HSD17B3: variants seen among roughly 807,000 people sequenced by gnomAD.
The protein encoded by HSD17B3 is hydroxysteroid 17-beta dehydrogenase 3, also known as 17-beta-hydroxysteroid dehydrogenase type 3.
HSD17B3 carries 29 observed loss-of-function variants against 41.1 expected under a neutral mutation model. The observed-to-expected ratio is 0.71, with a 90% CI of 0.53 to 0.96. HSD17B3 has a LOEUF of 0.96. HSD17B3 is among the 40% of genes least tolerant of loss of function. The pLI is 0.00. For synonymous variants in HSD17B3, 126 were observed against 145.6 expected, an observed-to-expected ratio of 0.87 and a Z score of 0.97; for missense variants, 323 against 374.6, an observed-to-expected ratio of 0.86 and a Z score of 1.14.
chr9:96,297,341 C>CTTTTTT, intron 2 of HSD17B3, among the ~76,000 whole-genome samples: 1 of 73,572 alleles, frequency 1.4e-5, no homozygotes, highest in Admixed American at 1.8e-4. Flanking sequence ...TTATTGATTT[C>CTTTTTT]TTTTTTTTTT....
chr9:96,294,659 A>C (rs1360477260), intron 2 of HSD17B3, among the ~76,000 whole-genome samples: 1 of 152,244 alleles, frequency 6.6e-6, no homozygotes, highest in Admixed American at 6.5e-5. Context: ...TTTGGTTGAC[A>C]TATTAGGTCT....
intron 8 of HSD17B3, 106 bp downstream of exon 8, chr9:96,245,239 C>T (rs1177002443): frequency 2.3e-6 from 2 of 883,580 alleles, no homozygotes; most frequent in African/African-American, 3.3e-5. Context: ...AAGAGAGCAT[C>T]TCCAGGTAAA....
At chr9:96,250,571 T>C in intron 5 of HSD17B3, 3 of 700,938 alleles carry the variant, frequency 4.3e-6, no homozygotes, top group Non-Finnish European at 5.4e-6. Flanking sequence ...TAAGAAAGGG[T>C]CAACAAATTG....
chr9:96,272,373 A>ATCTCTCTCTCTCTCTC (rs373017603), intron 2 of HSD17B3, among the ~76,000 whole-genome samples: 92 of 4,400 alleles, frequency 0.021, 24 homozygotes, highest in Non-Finnish European at 0.032. Context: ...GTAAGACTGC[A>ATCTCTCTCTCTCTCTC]TCTCTCTCTC....
At chr9:96,300,536 T>C (rs1231772118) in intron 1 of HSD17B3, among the ~76,000 whole-genome samples, 1 of 126,056 alleles carries the variant, frequency 7.9e-6, no homozygotes, top group Non-Finnish European at 1.7e-5. Flanking sequence ...CCTATAAGCA[T>C]ATTAGAATCT....
At chr9:96,282,248 A>G (rs1826728300) in intron 2 of HSD17B3, among the ~76,000 whole-genome samples, 3 of 152,280 alleles carry the variant, frequency 2.0e-5, no homozygotes, top group Admixed American at 2.0e-4. Flanking sequence ...GTGTATTTAT[A>G]TATGTTGCAT....
intron 2 of HSD17B3, among the ~76,000 whole-genome samples, chr9:96,260,293 C>T (rs570620747): frequency 3.3e-5 from 5 of 152,162 alleles, no homozygotes; most frequent in African/African-American, 4.8e-5. Flanking sequence ...AAAACATGTA[C>T]GGGATCAACT....
intron 2 of HSD17B3, among the ~76,000 whole-genome samples, chr9:96,289,712 C>T (rs79615362): frequency 1.3e-5 from 2 of 152,120 alleles, no homozygotes; most frequent in Non-Finnish European, 2.9e-5. Flanking sequence ...GAGGGGGGCG[C>T]CCGAGAACAC....
chr9:96,281,608 T>A (rs1236851618), intron 2 of HSD17B3, among the ~76,000 whole-genome samples: 1 of 152,188 alleles, frequency 6.6e-6, no homozygotes, highest in Admixed American at 6.5e-5. Flanking sequence ...CTACGGGATG[T>A]TAACTGCTTT....
intron 2 of HSD17B3, among the ~76,000 whole-genome samples, chr9:96,297,181 T>G (rs1296545085): frequency 6.6e-6 from 1 of 152,044 alleles, no homozygotes; most frequent in African/African-American, 2.4e-5. Context: ...AATGTGGTAT[T>G]TTTTTCTCTT....
chr9:96,274,187 C>T (rs925991177), intron 2 of HSD17B3, among the ~76,000 whole-genome samples: 2 of 152,132 alleles, frequency 1.3e-5, no homozygotes, highest in African/African-American at 4.8e-5. Context: ...GCCTGTAATC[C>T]CAGCACTTTG....
intron 2 of HSD17B3, among the ~76,000 whole-genome samples, chr9:96,290,676 A>G (rs1827121075): frequency 6.6e-6 from 1 of 151,824 alleles, no homozygotes; most frequent in Non-Finnish European, 1.5e-5. Flanking sequence ...TCTACTAAAA[A>G]TACAAAAATT....
intron 2 of HSD17B3, 73 bp from the exon 3 acceptor site, chr9:96,255,016 G>T: frequency 7.8e-7 from 1 of 1,285,776 alleles, no homozygotes; most frequent in Non-Finnish European, 1.1e-6. Context: ...AAGGTGACTT[G>T]GTCCTGAGAC....
intron 6 of HSD17B3, among the ~76,000 whole-genome samples, chr9:96,248,241 C>A (rs1254424317): frequency 6.6e-6 from 1 of 152,100 alleles, no homozygotes; most frequent in East Asian, 1.9e-4. Flanking sequence ...TTGCTAAGCA[C>A]AAAAAGATGT....
At chr9:96,242,508 T>C (rs774088471) in intron 9 of HSD17B3, among the ~76,000 whole-genome samples, 3 of 152,228 alleles carry the variant, frequency 2.0e-5, no homozygotes, top group Admixed American at 6.5e-5. Flanking sequence ...AGAGCTGTGA[T>C]GAAATTCAAA....
intron 2 of HSD17B3, among the ~76,000 whole-genome samples, chr9:96,272,405 C>CTCTCTCTCTCTCTCTCTCTATATATA (rs1239816824): frequency 4.6e-5 from 1 of 21,530 alleles, no homozygotes; most frequent in Non-Finnish European, 8.8e-5. Flanking sequence ...CTCTCTCTCT[C>CTCTCTCTCTCTCTCTCTCTATATATA]TATATATATA....
intron 2 of HSD17B3, among the ~76,000 whole-genome samples, chr9:96,274,840 T>C (rs952172661): frequency 1.3e-5 from 2 of 151,992 alleles, no homozygotes; most frequent in Non-Finnish European, 1.5e-5. Flanking sequence ...ATGTGAAAAA[T>C]AAGGTCTGAA....
intron 10 of HSD17B3, among the ~76,000 whole-genome samples, chr9:96,236,332 C>T (rs1374973257): frequency 6.6e-6 from 1 of 151,454 alleles, no homozygotes; most frequent in Non-Finnish European, 1.5e-5. Context: ...GCCTGGCCAA[C>T]ATGGTGAAAC....
intron 2 of HSD17B3, among the ~76,000 whole-genome samples, chr9:96,289,181 G>C (rs1313496263): frequency 7.3e-6 from 1 of 136,734 alleles, no homozygotes; most frequent in African/African-American, 2.7e-5. Flanking sequence ...TCTTTAAACA[G>C]TTGATTTCCT....
Sources: gnomAD v4.1 joint callset for allele counts (sites outside exome capture counted in the v4.1 genomes callset) on GRCh38, gnomAD v4.1.1 for gene constraint, MANE v1.5 for transcripts, NCBI Gene and HGNC (gene_info 2026-07-23, HGNC 2026-07-21) for gene names.